Variants in LSAMP observed in about 807,000 individuals in gnomAD.
The protein encoded by LSAMP is limbic system-associated membrane protein.
Under a neutral mutation model 38.6 loss-of-function variants are expected in LSAMP, and 7 were observed. The ratio of observed to expected loss-of-function variants is 0.18; its 90% confidence interval spans 0.10 to 0.34. LSAMP has a LOEUF of 0.34. Among genes scored for constraint, LSAMP ranks in the 10% least tolerant of loss-of-function variants. The pLI is 1.00. For missense variants in LSAMP, 313 were observed against 420.0 expected, an observed-to-expected ratio of 0.75 and a Z score of 2.23; for synonymous variants, 154 against 166.8, an observed-to-expected ratio of 0.92 and a Z score of 0.59.
chr3:115,841,263 A>G (rs1302041130), intron 6 of LSAMP, among the ~76,000 whole-genome samples: 3 of 151,948 alleles, frequency 2.0e-5, no homozygotes, highest in African/African-American at 7.2e-5. Context: ...TATATCAGAA[A>G]AGTAATGTCT....
At chr3:116,273,348 G>T (rs956166695) in intron 1 of LSAMP, among the ~76,000 whole-genome samples, 1 of 151,804 alleles carries the variant, frequency 6.6e-6, no homozygotes, top group Non-Finnish European at 1.5e-5. Flanking sequence ...TGGGAAACCT[G>T]CCTCCATCTT....
chr3:116,423,486 T>C (rs1020749056), intron 1 of LSAMP, among the ~76,000 whole-genome samples: 19 of 152,234 alleles, frequency 1.2e-4, no homozygotes, highest in African/African-American at 4.6e-4. Flanking sequence ...CACACATTCC[T>C]CTGGGGGATA....
At chr3:115,812,803 C>T (rs139525377) in intron 6 of LSAMP, among the ~76,000 whole-genome samples, 1 of 152,300 alleles carries the variant, frequency 6.6e-6, no homozygotes, top group Non-Finnish European at 1.5e-5. Context: ...AGTGCAAGGA[C>T]AGGCTAGTTT....
At chr3:115,914,038 A>G (rs1344048122) in intron 3 of LSAMP, among the ~76,000 whole-genome samples, 3 of 152,230 alleles carry the variant, frequency 2.0e-5, no homozygotes, top group African/African-American at 7.2e-5. Flanking sequence ...GAAACCAAAG[A>G]CCATTAAGAC....
chr3:116,080,587 T>C lies in LSAMP; in HGVS notation c.388+5737A>G, dbSNP rs151178500. On this transcript the variant is annotated intron_variant, in intron 2 of 6. Coordinates refer to ENST00000490035, the MANE Select transcript of LSAMP (RefSeq NM_002338.5). The stretch of plus-strand genomic sequence containing the variant: ...TTAAAACTGCATGAGGCAATATTGC[T>C]AACCATCTTAACTAAAAAGTTTCAG... 1.9e-3 allele frequency among the ~76,000 whole-genome samples: 293 copies of C among 152,346 alleles called. 2 individuals are homozygous for C. The highest frequency in any genetic ancestry group is 6.7e-3 in the African/African-American group (280 of 41,576).
At chr3:116,374,738 T>C (rs897963850) in intron 1 of LSAMP, among the ~76,000 whole-genome samples, 5 of 151,938 alleles carry the variant, frequency 3.3e-5, no homozygotes, top group Non-Finnish European at 5.9e-5. Flanking sequence ...TATTGATGTA[T>C]TTTTGGTGCC....
At chr3:116,315,953 T>C (rs2047622970) in intron 1 of LSAMP, among the ~76,000 whole-genome samples, 1 of 152,218 alleles carries the variant, frequency 6.6e-6, no homozygotes, top group Non-Finnish European at 1.5e-5. Context: ...GGAAAAAAAG[T>C]TATTGAATTC....
intron 2 of LSAMP, among the ~76,000 whole-genome samples, chr3:116,067,092 G>A (rs1367326494): frequency 6.6e-6 from 1 of 152,094 alleles, no homozygotes; most frequent in Non-Finnish European, 1.5e-5. Context: ...AAAAACATCA[G>A]TAACTCCCTT....
At chr3:115,989,683 A>T (rs1381068295) in intron 3 of LSAMP, among the ~76,000 whole-genome samples, 2 of 152,086 alleles carry the variant, frequency 1.3e-5, no homozygotes, top group Admixed American at 6.6e-5. Context: ...TAGTGGGTGC[A>T]TTTCCAGGAG....
At chr3:116,390,510 G>GAGAT (rs1363812059) in intron 1 of LSAMP, among the ~76,000 whole-genome samples, 1 of 152,044 alleles carries the variant, frequency 6.6e-6, no homozygotes, top group Non-Finnish European at 1.5e-5. Flanking sequence ...TGGTGCAGTT[G>GAGAT]AGATAATGGA....
intron 2 of LSAMP, among the ~76,000 whole-genome samples, chr3:116,025,076 GT>G (rs547442714): frequency 2.6e-5 from 4 of 151,862 alleles, no homozygotes; most frequent in Non-Finnish European, 5.9e-5. Flanking sequence ...CAAATGTTAA[GT>G]TTTTTATTTT....
rs377326720 is a variant in LSAMP, at chr3:115,846,500, G to A, written c.650-3922C>T. On this transcript the variant is annotated intron_variant, in intron 4 of 6. Coordinates refer to ENST00000490035, the MANE Select transcript of LSAMP (RefSeq NM_002338.5). ...AATGTATAGTCATTTACTGCATGTC[G>A]GCACTCTAATAGGTTTTAGATATCC... Among the ~76,000 whole-genome samples, 18 of 152,088 alleles carry A rather than the reference G, an allele frequency of 1.2e-4. 1 individual carries two copies. Among genetic ancestry groups the A allele is most frequent in the South Asian group, 4.1e-4 (2 of 4,820 alleles).
chr3:116,121,581 G>GGC (rs1708876827), intron 1 of LSAMP, among the ~76,000 whole-genome samples: 1 of 152,156 alleles, frequency 6.6e-6, no homozygotes, highest in African/African-American at 2.4e-5. Context: ...GTTGGCAGCA[G>GGC]ACATTCCTCT....
At chr3:115,955,711 T>G (rs1938432992) in intron 3 of LSAMP, among the ~76,000 whole-genome samples, 1 of 152,168 alleles carries the variant, frequency 6.6e-6, no homozygotes, top group South Asian at 2.1e-4. Flanking sequence ...GTACTTTTAA[T>G]AGACAGCAGC....
At chr3:116,173,620 T>C (rs1326555651) in intron 1 of LSAMP, among the ~76,000 whole-genome samples, 1 of 152,050 alleles carries the variant, frequency 6.6e-6, no homozygotes, top group Non-Finnish European at 1.5e-5. Flanking sequence ...ATTATGTGTA[T>C]AATACTGCTT....
At chr3:116,246,638 C>A (rs1223907713) in intron 1 of LSAMP, among the ~76,000 whole-genome samples, 1 of 152,180 alleles carries the variant, frequency 6.6e-6, no homozygotes, top group Non-Finnish European at 1.5e-5. Context: ...CCGTGATAAA[C>A]AACCCAACTG....
intron 2 of LSAMP, among the ~76,000 whole-genome samples, chr3:116,071,093 A>AAATAAATT (rs1185784775): frequency 1.4e-4 from 20 of 147,090 alleles, no homozygotes; most frequent in African/African-American, 4.7e-4. Context: ...ATAAATAAAT[A>AAATAAATT]AAATAATGTA....
intron 2 of LSAMP, among the ~76,000 whole-genome samples, chr3:116,065,422 A>G (rs780174841): frequency 6.6e-6 from 1 of 152,192 alleles, no homozygotes; most frequent in Non-Finnish European, 1.5e-5. Context: ...GTGAAAAATT[A>G]TTGTTTGCTG....
intron 1 of LSAMP, among the ~76,000 whole-genome samples, chr3:116,347,639 A>T (rs2048081326): frequency 6.6e-6 from 1 of 152,146 alleles, no homozygotes; most frequent in Non-Finnish European, 1.5e-5. Context: ...ACTATGAGGC[A>T]GAAATTGTAG....
Sources: allele counts gnomAD v4.1 joint callset (sites outside exome capture counted in the v4.1 genomes callset), GRCh38; gene constraint gnomAD v4.1.1; transcripts MANE v1.5; gene names NCBI Gene and HGNC (gene_info 2026-07-23, HGNC 2026-07-21).